ABHD17B: variants seen among roughly 807,000 people sequenced by gnomAD.
ABHD17B encodes the protein abhydrolase domain containing 17B, depalmitoylase, also known as alpha/beta hydrolase domain-containing protein 17B.
A neutral mutation model predicts 26.2 loss-of-function variants in ABHD17B; 9 were observed. That is an observed-to-expected ratio of 0.34 (90% CI 0.21 to 0.60). The LOEUF is 0.60. Ranked by LOEUF, ABHD17B falls within the 20% of genes least tolerant of loss-of-function variation. The probability of loss-of-function intolerance (pLI) is 0.80; values close to 1 mark genes in which losing one functional copy is unlikely to be tolerated. For synonymous variants in ABHD17B, 127 were observed against 122.3 expected (o/e 1.04, Z -0.25); for missense variants, 224 against 352.1 (o/e 0.64, Z 2.91).
At chr9:71,906,013 C>T (rs982344308) in intron 1 of ABHD17B, among the ~76,000 whole-genome samples, 1 of 152,092 alleles carries the variant, frequency 6.6e-6, no homozygotes, top group African/African-American at 2.4e-5. Flanking sequence ...CATGCTACTA[C>T]ACTCCAGCCT....
chr9:71,903,749 A>G (rs1165274385), intron 1 of ABHD17B, among the ~76,000 whole-genome samples: 1 of 152,264 alleles, frequency 6.6e-6, no homozygotes, highest in Non-Finnish European at 1.5e-5. Flanking sequence ...TCAATGTTTT[A>G]GAATGAGTGA....
chr9:71,876,036 G>T (rs756163834), intron 1 of ABHD17B, among the ~76,000 whole-genome samples: 1 of 152,164 alleles, frequency 6.6e-6, no homozygotes, highest in African/African-American at 2.4e-5. Flanking sequence ...TGGTCACAGT[G>T]CCAGTGGCCC....
At chr9:71,879,332 T>C (rs919782013) in intron 1 of ABHD17B, among the ~76,000 whole-genome samples, 2 of 151,956 alleles carry the variant, frequency 1.3e-5, no homozygotes, top group African/African-American at 2.4e-5. Context: ...AACAAAAACT[T>C]TGGTGAATAT....
At position 71,875,006 on chromosome 9, in the gene ABHD17B, T is replaced by C; in HGVS notation, c.75A>G (p.Lys25=). ...CPPCPGKIAS[K]LAFLPPDPTY... is the part of the protein sequence containing the mutation. The stretch of plus-strand genomic sequence containing the variant: ...TTGGATCAGGTGGCAAAAACGCTAA[T>C]TTTGAAGCAATCTTCCCTGGACAAG... Residue 25 remains lysine (K), a synonymous_variant, in exon 2 of 4, where the codon AAA becomes AAG. Coordinates refer to ENST00000333421, the MANE Select transcript of ABHD17B (RefSeq NM_001025780.3). The C allele has an allele frequency of 6.2e-7, 1 of 1,614,130 alleles. No individual in the cohort carries two copies. The highest frequency in any genetic ancestry group is 8.5e-7 in the Non-Finnish European group (1 of 1,180,010).
rs117142805 is a variant in ABHD17B at position 71,891,128 on chromosome 9, G to A, written c.-3-16045C>T. 5.0e-4 allele frequency among the ~76,000 whole-genome samples: 76 copies of A among 152,198 alleles called. 1 individual carries two copies. The highest frequency in any genetic ancestry group is 3.4e-3 in the Middle Eastern group (1 of 294). On this transcript the variant is annotated intron_variant, in intron 1 of 3. Transcript: ENST00000333421. ...AACTAGGTCTGCTTCAGAATTATAG[G>A]TTGTTTCTTAAAATTCTCCTCGAAA... is the stretch of plus-strand genomic sequence containing the variant.
At chr9:71,890,616 A>T (rs1244305729) in intron 1 of ABHD17B, among the ~76,000 whole-genome samples, 1 of 152,216 alleles carries the variant, frequency 6.6e-6, no homozygotes, top group Non-Finnish European at 1.5e-5. Flanking sequence ...GCATGGTAAA[A>T]CTCAGAGAAT....
At chr9:71,887,230 G>A (rs1002244737) in intron 1 of ABHD17B, among the ~76,000 whole-genome samples, 3 of 152,096 alleles carry the variant, frequency 2.0e-5, no homozygotes, top group Non-Finnish European at 4.4e-5. Context: ...AAGATAGGAG[G>A]CATCAACCAG....
intron 2 of ABHD17B, among the ~76,000 whole-genome samples, chr9:71,874,373 A>G (rs934902583): frequency 6.6e-6 from 1 of 151,636 alleles, no homozygotes; most frequent in East Asian, 1.9e-4. Flanking sequence ...TAAAAAAAAC[A>G]TACATATATA....
At chr9:71,893,890 T>A (rs1349257556) in intron 1 of ABHD17B, among the ~76,000 whole-genome samples, 1 of 151,772 alleles carries the variant, frequency 6.6e-6, no homozygotes, top group Non-Finnish European at 1.5e-5. Flanking sequence ...GAGATGGAGA[T>A]CATCCTGGCT....
At chr9:71,867,928 C>G (rs1465047783) in intron 3 of ABHD17B, among the ~76,000 whole-genome samples, 1 of 151,874 alleles carries the variant, frequency 6.6e-6, no homozygotes, top group Non-Finnish European at 1.5e-5. Flanking sequence ...TTCTTTGGGC[C>G]AGGTGCGGTG....
chr9:71,869,983 A>G, intron 3 of ABHD17B, 100 bp downstream of exon 3: 1 of 1,088,018 alleles, frequency 9.2e-7, no homozygotes. Flanking sequence ...TATATATAAA[A>G]TGAAGTTTAT....
At position 71,890,494 on chromosome 9, in the gene ABHD17B, T is replaced by G. The variant is rs958774529; in HGVS notation, c.-3-15411A>C. On this transcript the variant is annotated intron_variant, in intron 1 of 3. Transcript: ENST00000333421. ...TTATTGCTGACTATACAATTAAGTT[T>G]CACATTAAGTTTTATATCATTTGCA... Among the ~76,000 whole-genome samples, 14 of 152,366 alleles carry G rather than the reference T, an allele frequency of 9.2e-5. No individual in the cohort carries two copies. The East Asian group carries it at 2.3e-3, about 25-fold the overall frequency.
chr9:71,890,919 C>G (rs112834435), intron 1 of ABHD17B, among the ~76,000 whole-genome samples: 1 of 152,130 alleles, frequency 6.6e-6, no homozygotes, highest in Non-Finnish European at 1.5e-5. Context: ...AGCCCAGTTG[C>G]CTGCCTACCT....
chr9:71,877,242 A>AGGTACAAG, intron 1 of ABHD17B, among the ~76,000 whole-genome samples: 1 of 152,336 alleles, frequency 6.6e-6, no homozygotes, highest in African/African-American at 2.4e-5. Flanking sequence ...AAAGATGATG[A>AGGTACAAG]GGTACAAGGT....
chr9:71,883,663 G>A lies in ABHD17B; in HGVS notation c.-3-8580C>T, dbSNP rs115882263. Among the ~76,000 whole-genome samples the A allele has an allele frequency of 9.2e-3, 1,399 of 152,318 alleles. 22 individuals are homozygous for A. Among genetic ancestry groups the A allele is most frequent in the African/African-American group, 0.031 (1,295 of 41,568 alleles). On this transcript the variant is annotated intron_variant, in intron 1 of 3. Transcript: ENST00000333421. ...TTAAATGAAAAATGTCAGGGCAGCC[G>A]TGGTGGCTCACGCCTGTAATCCTAG...
intron 1 of ABHD17B, among the ~76,000 whole-genome samples, chr9:71,893,815 C>A (rs1009059304): frequency 2.0e-5 from 3 of 152,132 alleles, no homozygotes; most frequent in Non-Finnish European, 2.9e-5. Context: ...ACTGGCCGGG[C>A]GCGGTGGCTC....
intron 1 of ABHD17B, among the ~76,000 whole-genome samples, chr9:71,888,533 T>C (rs1189706561): frequency 6.6e-6 from 1 of 152,160 alleles, no homozygotes; most frequent in Non-Finnish European, 1.5e-5. Flanking sequence ...AGAACACCCA[T>C]ATGTACCTCA....
At chr9:71,880,452 T>G (rs138089174) in intron 1 of ABHD17B, among the ~76,000 whole-genome samples, 213 of 152,210 alleles carry the variant, frequency 1.4e-3, no homozygotes, top group African/African-American at 4.9e-3. Context: ...TAAACCAAAG[T>G]AATTCACATT....
chr9:71,869,155 T>C (rs1424521482), intron 3 of ABHD17B, among the ~76,000 whole-genome samples: 2 of 152,134 alleles, frequency 1.3e-5, no homozygotes, highest in Admixed American at 1.3e-4. Context: ...ATACCCACAT[T>C]ACCTGAAACA....
Sources: gnomAD v4.1 joint callset for allele counts (sites outside exome capture counted in the v4.1 genomes callset) on GRCh38, gnomAD v4.1.1 for gene constraint, MANE v1.5 for transcripts, NCBI Gene and HGNC (gene_info 2026-07-23, HGNC 2026-07-21) for gene names.